Variants in UGGT2 observed in about 807,000 individuals in gnomAD.
UGGT2 encodes UDP-glucose glycoprotein glucosyltransferase 2, also known as UDP-glucose:glycoprotein glucosyltransferase 2.
UGGT2 carries 180 observed loss-of-function variants against 192.1 expected under a neutral mutation model. That is an observed-to-expected ratio of 0.94 (90% CI 0.83 to 1.06). The LOEUF (loss-of-function observed/expected upper bound fraction) is 1.06. Among genes scored for constraint, UGGT2 ranks in the 50% least tolerant of loss-of-function variants. The probability of loss-of-function intolerance (pLI) is 0.00; values close to 1 mark genes in which losing one functional copy is unlikely to be tolerated. For missense variants in UGGT2, 1,849 were observed against 1,795.7 expected (o/e 1.03, Z -0.54); for synonymous variants, 580 against 591.0 (o/e 0.98, Z 0.27).
At chr13:95,853,416 A>T in intron 36 of UGGT2, 127 bp downstream of exon 36, 1 of 616,318 alleles carries the variant, frequency 1.6e-6, no homozygotes, top group Non-Finnish European at 2.7e-6. Context: ...AATATCCAAT[A>T]GATAATTACA....
At chr13:95,897,303 C>G (rs994994419) in intron 22 of UGGT2, among the ~76,000 whole-genome samples, 11 of 151,510 alleles carry the variant, frequency 7.3e-5, no homozygotes, top group African/African-American at 2.7e-4. Context: ...GACTATAAAA[C>G]AAAAAAAAGA....
chr13:95,822,819 T>G (rs1233791380), intron 38 of UGGT2, among the ~76,000 whole-genome samples: 2 of 152,094 alleles, frequency 1.3e-5, no homozygotes, highest in Non-Finnish European at 1.5e-5. Context: ...CTGATCTTTG[T>G]GATTTCTTTT....
intron 38 of UGGT2, chr13:95,809,493 CT>C: frequency 2.9e-6 from 1 of 349,468 alleles, no homozygotes; most frequent in East Asian, 8.0e-5. Flanking sequence ...TTTCTGCTGC[CT>C]TTTCTGGCTT....
intron 15 of UGGT2, among the ~76,000 whole-genome samples, chr13:95,946,120 CATAT>C (rs762291597): frequency 3.4e-4 from 51 of 152,234 alleles, no homozygotes; most frequent in Non-Finnish European, 5.9e-4. Flanking sequence ...CTCTTTAATA[CATAT>C]ATATTTCCAC....
chr13:95,834,655 C>T (rs1887093213), intron 37 of UGGT2, among the ~76,000 whole-genome samples: 1 of 152,130 alleles, frequency 6.6e-6, no homozygotes, highest in African/African-American at 2.4e-5. Context: ...CTTAGTGTTT[C>T]TATGAGGGAG....
chr13:95,923,039 T>C (rs1021602212), intron 20 of UGGT2, among the ~76,000 whole-genome samples: 4 of 152,128 alleles, frequency 2.6e-5, no homozygotes, highest in African/African-American at 9.7e-5. Flanking sequence ...ACAACCCTTA[T>C]ATTCAGTACG....
At chr13:95,804,090 T>C (rs1384648538) in intron 38 of UGGT2, among the ~76,000 whole-genome samples, 1 of 151,674 alleles carries the variant, frequency 6.6e-6, no homozygotes, top group African/African-American at 2.4e-5. Context: ...AATAAATGAA[T>C]AGAAAGATTG....
rs375673079 is a variant in UGGT2 at position 95,845,425 on chromosome 13, G to A, written c.4284+8118C>T. ...TGTTTAACAAAGCACATCTTGCACC[G>A]CCCTTAATCCATTTAACCCTTAGTG... On this transcript the variant is annotated intron_variant, in intron 36 of 38. Coordinates refer to ENST00000376747, the MANE Select transcript of UGGT2 (RefSeq NM_020121.4). 2.8e-3 allele frequency among the ~76,000 whole-genome samples: 380 copies of A among 135,194 alleles called. 4 individuals carry two copies. The highest frequency in any genetic ancestry group is 8.5e-3 in the African/African-American group (318 of 37,494). 88.7% of individuals were successfully genotyped at this position (135,194 alleles called of 152,430 possible). A position where few individuals can be genotyped will look rare whatever the true frequency, so the allele number is the denominator to read the frequency against.
At chr13:96,052,816 C>T (rs1408539603) in intron 1 of UGGT2, among the ~76,000 whole-genome samples, 2 of 152,184 alleles carry the variant, frequency 1.3e-5, no homozygotes, top group Admixed American at 6.5e-5. Context: ...GTACTTTAAG[C>T]ACTGTCTGAA....
intron 11 of UGGT2, among the ~76,000 whole-genome samples, chr13:95,972,050 T>C (rs1195109750): frequency 6.6e-6 from 1 of 152,162 alleles, no homozygotes; most frequent in Non-Finnish European, 1.5e-5. Context: ...GGCCCACAAC[T>C]GTAATTTTGG....
In UGGT2 at chr13:95,970,200, T is replaced by C. The variant is rs748705276; in HGVS notation, c.1247A>G (p.Asn416Ser). 13 of 1,613,226 alleles carry C rather than the reference T, an allele frequency of 8.1e-6. No individual in the cohort carries two copies. Among genetic ancestry groups the C allele is most frequent in the South Asian group, 6.6e-5 (6 of 91,062 alleles). Residue 416 changes from asparagine to serine, a missense_variant, in exon 12 of 39, where the codon AAT becomes AGT. Physicochemically the swap from Asn to Ser is conservative, Grantham distance 46. Transcript: ENST00000376747. ...TAAAAATTTGCTCATATCTTCCCCA[T>C]TGATCCCAAGATTGCGAAGGCCATT... Reference protein sequence around the residue: ...MMNGLRNLGINGEDMSKFLKL... With the variant: ...MMNGLRNLGISGEDMSKFLKL...
At chr13:95,968,297 A>G (rs1056760394) in intron 12 of UGGT2, among the ~76,000 whole-genome samples, 1 of 152,218 alleles carries the variant, frequency 6.6e-6, no homozygotes, top group African/African-American at 2.4e-5. Flanking sequence ...ATATAGCCTA[A>G]TAAAAAACAG....
intron 8 of UGGT2, among the ~76,000 whole-genome samples, chr13:95,987,776 G>C (rs1048608070): frequency 6.6e-6 from 1 of 152,186 alleles, no homozygotes; most frequent in Middle Eastern, 3.4e-3. Context: ...AGTCTCTCCA[G>C]AAGTATTTAC....
At chr13:95,979,064 TAA>T (rs1333208906) in intron 10 of UGGT2, among the ~76,000 whole-genome samples, 1 of 152,206 alleles carries the variant, frequency 6.6e-6, no homozygotes, top group Non-Finnish European at 1.5e-5. Context: ...TGCTGAATCA[TAA>T]AAAGTTACCT....
Position 95,860,590 on chromosome 13 carries a change from C to CGT in UGGT2, c.3740+196_3740+197dup, listed in dbSNP as rs571787962. Among the ~76,000 whole-genome samples, 853 of 148,662 alleles carry CGT rather than the reference C, an allele frequency of 5.7e-3. 6 individuals are homozygous for CGT. Among genetic ancestry groups the CGT allele is most frequent in the African/African-American group, 0.02 (794 of 40,668 alleles). On this transcript the variant is annotated intron_variant, in intron 32 of 38. Transcript: ENST00000376747. ...AAATAAATATACACATATATATTTA[C>CGT]GTGTGTGTGTGTGTATGTATCTCCT...
chr13:96,013,537 A>C, intron 4 of UGGT2, 56 bp from the exon 5 acceptor site: 4 of 1,182,764 alleles, frequency 3.4e-6, no homozygotes, highest in East Asian at 2.7e-5. Context: ...ATGGCATATC[A>C]ATTCTGTATA....
chr13:96,001,875 AC>A (rs1040416901), intron 5 of UGGT2, among the ~76,000 whole-genome samples: 5 of 152,086 alleles, frequency 3.3e-5, no homozygotes, highest in African/African-American at 1.2e-4. Context: ...ATGATGATCC[AC>A]TTCTATTTAA....
chr13:95,968,034 C>A (rs959238253), intron 12 of UGGT2, among the ~76,000 whole-genome samples: 1 of 152,168 alleles, frequency 6.6e-6, no homozygotes, highest in South Asian at 2.1e-4. Context: ...TCTTGTCACA[C>A]AACACTTTTA....
At chr13:96,017,013 C>T (rs2052360188) in intron 4 of UGGT2, among the ~76,000 whole-genome samples, 1 of 152,192 alleles carries the variant, frequency 6.6e-6, no homozygotes, top group African/African-American at 2.4e-5. Context: ...AGATTTAGTG[C>T]CTGCCTACTG....
Sources: allele counts gnomAD v4.1 joint callset (sites outside exome capture counted in the v4.1 genomes callset), GRCh38; gene constraint gnomAD v4.1.1; transcripts MANE v1.5; gene names NCBI Gene and HGNC (gene_info 2026-07-23, HGNC 2026-07-21).